The following TSC22D1 variants were observed in gnomAD, a reference collection of about 807,000 sequenced individuals.
The protein encoded by TSC22D1 is TSC22 domain family protein 1.
TSC22D1 carries 9 observed loss-of-function variants against 74.2 expected under a neutral mutation model. The ratio of observed to expected loss-of-function variants is 0.12; its 90% CI spans 0.07 to 0.21. TSC22D1 has a LOEUF of 0.21. Among genes scored for constraint, TSC22D1 ranks in the 10% least tolerant of loss-of-function variants. TSC22D1 has a pLI of 1.00. For missense variants in TSC22D1, 1,427 were observed against 1,304.7 expected, an observed-to-expected ratio of 1.09 and a Z score of -1.44; for synonymous variants, 586 against 492.5, an observed-to-expected ratio of 1.19 and a Z score of -2.51.
In TSC22D1 at chr13:44,538,804, T is replaced by C. The variant is rs1485807410; in HGVS notation, c.2912+34359A>G. The stretch of plus-strand genomic sequence containing the variant: ...GCCTTCCAAACTGCAGGTGCTGGCA[T>C]GTGTGACAGATATCATCCATGAAGG... On this transcript the variant is annotated intron_variant, in intron 1 of 2. Coordinates refer to ENST00000458659, the MANE Select transcript of TSC22D1 (RefSeq NM_183422.4). 8.1e-6 allele frequency: 8 copies of C among 985,294 alleles called. No individual in the cohort carries two copies. In the South Asian group the frequency reaches 1.4e-4, roughly 17 times the overall value. 61.0% of individuals were successfully genotyped at this position (985,294 alleles called of 1,614,324 possible).
At chr13:44,467,075 T>C (rs1877328925) in intron 1 of TSC22D1, among the ~76,000 whole-genome samples, 1 of 151,982 alleles carries the variant, frequency 6.6e-6, no homozygotes, top group South Asian at 2.1e-4. Flanking sequence ...GGCAGGAGAA[T>C]TGCTTGAACA....
At chr13:44,468,286 C>T (rs1439350479) in intron 1 of TSC22D1, among the ~76,000 whole-genome samples, 4 of 150,906 alleles carry the variant, frequency 2.7e-5, no homozygotes, top group Admixed American at 6.6e-5. Flanking sequence ...GTACACTATT[C>T]GGGTGATGGG....
intron 1 of TSC22D1, among the ~76,000 whole-genome samples, chr13:44,516,001 T>C (rs565491543): frequency 1.2e-4 from 18 of 152,318 alleles, no homozygotes; most frequent in Middle Eastern, 3.4e-3. Flanking sequence ...ACTTCTAGTA[T>C]ACTATTTTCA....
intron 1 of TSC22D1, among the ~76,000 whole-genome samples, chr13:44,570,206 T>G (rs1313179689): frequency 6.6e-6 from 1 of 151,710 alleles, no homozygotes; most frequent in African/African-American, 2.4e-5. Flanking sequence ...TTTTTTTTTT[T>G]TAGAGACAGG....
intron 1 of TSC22D1, among the ~76,000 whole-genome samples, chr13:44,542,417 C>T (rs1273434902): frequency 1.3e-5 from 2 of 151,918 alleles, no homozygotes; most frequent in African/African-American, 2.4e-5. Context: ...TTAAATGCAT[C>T]CAAATCTTTA....
At chr13:44,435,861 T>C (rs1874561220) in intron 2 of TSC22D1, 183 bp downstream of exon 2, 4 of 663,986 alleles carry the variant, frequency 6.0e-6, no homozygotes, top group African/African-American at 1.8e-5. Context: ...AGGGCCCCTT[T>C]CTCCCTCCAC....
intron 1 of TSC22D1, among the ~76,000 whole-genome samples, chr13:44,551,326 T>TGG (rs1442824123): frequency 6.6e-6 from 1 of 150,584 alleles, no homozygotes; most frequent in African/African-American, 2.4e-5. Flanking sequence ...TGTGTGTGTG[T>TGG]GTGTGTGTGT....
intron 1 of TSC22D1, among the ~76,000 whole-genome samples, chr13:44,501,055 C>T (rs1439039829): frequency 5.3e-5 from 8 of 152,170 alleles, no homozygotes; most frequent in African/African-American, 1.9e-4. Flanking sequence ...ATAAAGAACA[C>T]TACATTCTCT....
chr13:44,442,050 CCTT>C (rs561818829), intron 1 of TSC22D1, among the ~76,000 whole-genome samples: 106 of 152,288 alleles, frequency 7.0e-4, no homozygotes, highest in Non-Finnish European at 1.3e-3. Flanking sequence ...GCCTAAGTCT[CCTT>C]CTGAATGCTT....
intron 1 of TSC22D1, among the ~76,000 whole-genome samples, chr13:44,466,006 A>AC (rs1877264437): frequency 6.6e-6 from 1 of 151,560 alleles, no homozygotes; most frequent in Non-Finnish European, 1.5e-5. Context: ...AAACAAACAA[A>AC]ACTTTGCAAT....
At chr13:44,539,209 C>T in intron 1 of TSC22D1, 1 of 985,166 alleles carries the variant, frequency 1.0e-6, no homozygotes, top group Non-Finnish European at 1.2e-6. Flanking sequence ...TACATTCATT[C>T]ATACTTATGT....
At chr13:44,447,521 A>T (rs1297630109) in intron 1 of TSC22D1, among the ~76,000 whole-genome samples, 1 of 152,142 alleles carries the variant, frequency 6.6e-6, no homozygotes, top group African/African-American at 2.4e-5. Flanking sequence ...TCATTCCTAA[A>T]TCTCATATTA....
At chr13:44,567,562 T>A (rs550801406) in intron 1 of TSC22D1, among the ~76,000 whole-genome samples, 14 of 150,760 alleles carry the variant, frequency 9.3e-5, no homozygotes, top group Admixed American at 8.6e-4. Flanking sequence ...TAAGAAAAAA[T>A]ACTATCATTA....
At chr13:44,545,191 C>T (rs1174652735) in intron 1 of TSC22D1, among the ~76,000 whole-genome samples, 1 of 152,006 alleles carries the variant, frequency 6.6e-6, no homozygotes, top group East Asian at 1.9e-4. Flanking sequence ...AAAAATCAGC[C>T]GGGTGTGGTG....
chr13:44,491,029 G>C (rs1878685826), intron 1 of TSC22D1, among the ~76,000 whole-genome samples: 1 of 151,938 alleles, frequency 6.6e-6, no homozygotes, highest in Non-Finnish European at 1.5e-5. Flanking sequence ...AGCCAGGCCT[G>C]GTGGCACATG....
At chr13:44,480,117 T>A (rs946191086) in intron 1 of TSC22D1, among the ~76,000 whole-genome samples, 1 of 152,220 alleles carries the variant, frequency 6.6e-6, no homozygotes, top group Non-Finnish European at 1.5e-5. Context: ...TTAAATTGAA[T>A]GTATAAGATG....
At chr13:44,466,350 A>G (rs1481755046) in intron 1 of TSC22D1, among the ~76,000 whole-genome samples, 1 of 152,248 alleles carries the variant, frequency 6.6e-6, no homozygotes, top group Non-Finnish European at 1.5e-5. Flanking sequence ...TGGAATGTCA[A>G]AATAAAGGAC....
intron 1 of TSC22D1, among the ~76,000 whole-genome samples, chr13:44,440,587 C>CAAAAAA (rs67344848): frequency 3.2e-4 from 22 of 68,232 alleles, no homozygotes; most frequent in Non-Finnish European, 4.3e-4. Context: ...GGCTCTGTCT[C>CAAAAAA]AAAAAAAAAA....
chr13:44,562,729 C>A (rs1050247616), intron 1 of TSC22D1, among the ~76,000 whole-genome samples: 2 of 152,112 alleles, frequency 1.3e-5, no homozygotes, highest in Non-Finnish European at 2.9e-5. Flanking sequence ...CATATTAGTT[C>A]GCATTTACCT....
Sources: gnomAD v4.1 joint callset for allele counts (sites outside exome capture counted in the v4.1 genomes callset) on GRCh38, gnomAD v4.1.1 for gene constraint, MANE v1.5 for transcripts, NCBI Gene and HGNC (gene_info 2026-07-23, HGNC 2026-07-21) for gene names.